ATP9A: variants seen among roughly 807,000 people sequenced by gnomAD.
ATP9A encodes the protein probable phospholipid-transporting ATPase IIA.
Under a neutral mutation model 144.1 loss-of-function variants are expected in ATP9A, and 52 were observed. The ratio of observed to expected loss-of-function variants is 0.36; its 90% CI spans 0.29 to 0.45. The LOEUF is 0.45. Among genes scored for constraint, ATP9A ranks in the 20% least tolerant of loss-of-function variants. The probability of loss-of-function intolerance (pLI) is 1.00; values close to 1 mark genes in which losing one functional copy is unlikely to be tolerated. For synonymous variants in ATP9A, 582 were observed against 557.4 expected (o/e 1.04, Z -0.62); for missense variants, 947 against 1,392.7 (o/e 0.68, Z 5.09).
intron 4 of ATP9A, among the ~76,000 whole-genome samples, chr20:51,706,837 C>T (rs2077616584): frequency 6.6e-6 from 1 of 152,202 alleles, no homozygotes; most frequent in African/African-American, 2.4e-5. Flanking sequence ...CATTTTTTCT[C>T]CTGCTTCCTA....
chr20:51,699,932 C>T (rs541256055), intron 4 of ATP9A, among the ~76,000 whole-genome samples: 250 of 152,090 alleles, frequency 1.6e-3, no homozygotes, highest in Non-Finnish European at 2.4e-3. Flanking sequence ...TGAGCCACTG[C>T]GCCCGGCCAA....
chr20:51,767,205 G>A (rs899950802), intron 1 of ATP9A, among the ~76,000 whole-genome samples: 1 of 151,942 alleles, frequency 6.6e-6, no homozygotes, highest in African/African-American at 2.4e-5. Context: ...GCCCAGAGAG[G>A]ACCAGACGCC....
Position 51,625,280 on chromosome 20 carries a change from ATCTCCATCTCCAGGC to A in ATP9A, c.1913_1927del (p.Ser638_Glu642del). The A allele has an allele frequency of 6.2e-7, 1 of 1,614,188 alleles. No individual in the cohort carries two copies. The highest frequency in any genetic ancestry group is 8.5e-7 in the Non-Finnish European group (1 of 1,180,020). On this transcript the variant is annotated inframe_deletion, in exon 18 of 28. Coordinates refer to ENST00000338821, the MANE Select transcript of ATP9A (RefSeq NM_006045.3). ...CACGCCCGTCAGGCACAGCAGTTCC[ATCTCCATCTCCAGGC>A]TCTCGATCACCGTGGCCACTTTGAG...
chr20:51,727,161 G>A (rs565175494), intron 2 of ATP9A, among the ~76,000 whole-genome samples: 1 of 151,578 alleles, frequency 6.6e-6, no homozygotes, highest in African/African-American at 2.4e-5. Context: ...GCACCTATAG[G>A]CTACTCAGGA....
At chr20:51,615,026 C>CG (rs1316986494) in intron 22 of ATP9A, among the ~76,000 whole-genome samples, 1 of 124,454 alleles carries the variant, frequency 8.0e-6, no homozygotes. Context: ...AATGTTAACA[C>CG]GGGGTTGAGC....
chr20:51,752,895 G>A (rs1193501613), intron 1 of ATP9A, among the ~76,000 whole-genome samples: 3 of 152,134 alleles, frequency 2.0e-5, no homozygotes, highest in Non-Finnish European at 2.9e-5. Flanking sequence ...CTGAGGCTGG[G>A]AGTTCGAGGC....
chr20:51,730,700 G>A (rs1382224787), intron 1 of ATP9A, among the ~76,000 whole-genome samples: 6 of 152,184 alleles, frequency 3.9e-5, no homozygotes, highest in Non-Finnish European at 7.3e-5. Flanking sequence ...GCATGAGACT[G>A]TACTGAATAA....
chr20:51,746,096 T>C (rs1005983445), intron 1 of ATP9A, among the ~76,000 whole-genome samples: 1 of 152,298 alleles, frequency 6.6e-6, no homozygotes, highest in Non-Finnish European at 1.5e-5. Context: ...AAATACCACG[T>C]GTTCTCACTT....
At position 51,750,102 on chromosome 20, in the gene ATP9A, C is replaced by A. The variant is rs562533930; in HGVS notation, c.68+18200G>T. Among the ~76,000 whole-genome samples the A allele has an allele frequency of 6.6e-5, 10 of 152,204 alleles. No individual in the cohort carries two copies. In the South Asian group the frequency reaches 1.5e-3, roughly 22 times the overall value. Reference sequence around the variant, plus strand: ...CCCGGGAGGCGGAGGTTGCGGTGAGCCGAGATCGCACCACTTGCACTCCAG... The same window carrying A: ...CCCGGGAGGCGGAGGTTGCGGTGAGACGAGATCGCACCACTTGCACTCCAG... On this transcript the variant is annotated intron_variant, in intron 1 of 27. Coordinates refer to ENST00000338821, the MANE Select transcript of ATP9A (RefSeq NM_006045.3).
chr20:51,725,811 T>C lies in ATP9A; in HGVS notation c.327+8A>G, dbSNP rs781422954. The C allele has an allele frequency of 6.4e-7, 1 of 1,553,668 alleles. No homozygotes were observed. ...AGGTTACTGAACAAACAATGCCGAT[T>C]AACTTACCAGGGGAACCCAGTAGGT... is the stretch of plus-strand genomic sequence containing the variant. On this transcript the variant is annotated splice_region_variant and intron_variant, in intron 3 of 27. Coordinates refer to ENST00000338821, the MANE Select transcript of ATP9A (RefSeq NM_006045.3).
intron 1 of ATP9A, among the ~76,000 whole-genome samples, chr20:51,744,451 C>T (rs1320610069): frequency 2.0e-5 from 3 of 152,138 alleles, no homozygotes; most frequent in Non-Finnish European, 2.9e-5. Context: ...CATGAGCCAC[C>T]GCGCCCAGCC....
intron 8 of ATP9A, among the ~76,000 whole-genome samples, chr20:51,689,939 C>T (rs2077539601): frequency 6.7e-6 from 1 of 150,084 alleles, no homozygotes; most frequent in Middle Eastern, 3.5e-3. Context: ...GGTGAAACCC[C>T]GTCTCTACTA....
At chr20:51,756,179 G>C (rs542975234) in intron 1 of ATP9A, among the ~76,000 whole-genome samples, 5 of 152,032 alleles carry the variant, frequency 3.3e-5, no homozygotes, top group African/African-American at 1.2e-4. Flanking sequence ...AGAACAAGGT[G>C]TCAGCAGGGT....
chr20:51,668,089 G>T (rs1453587083), intron 13 of ATP9A, among the ~76,000 whole-genome samples: 1 of 5,634 alleles, frequency 1.8e-4, no homozygotes, highest in African/African-American at 5.9e-4. Context: ...AGGGAGGTGG[G>T]GGGGGGGGGG....
At chr20:51,738,602 G>A (rs2077772258) in intron 1 of ATP9A, among the ~76,000 whole-genome samples, 1 of 152,108 alleles carries the variant, frequency 6.6e-6, no homozygotes, top group South Asian at 2.1e-4. Flanking sequence ...CCAGGTACTC[G>A]GGAGGATTGA....
chr20:51,626,396 G>A (rs2077248629), intron 17 of ATP9A, among the ~76,000 whole-genome samples: 1 of 152,072 alleles, frequency 6.6e-6, no homozygotes, highest in Non-Finnish European at 1.5e-5. Context: ...GCTTGAGGGA[G>A]GAGAATCGCT....
chr20:51,721,913 G>A (rs975017734), intron 3 of ATP9A, among the ~76,000 whole-genome samples: 1 of 152,016 alleles, frequency 6.6e-6, no homozygotes, highest in Admixed American at 6.6e-5. Context: ...CAAATCTGGA[G>A]GTATCACACT....
At chr20:51,625,912 C>T (rs6063679) in intron 17 of ATP9A, among the ~76,000 whole-genome samples, 46,972 of 152,168 alleles carry the variant, frequency 0.31, 7,430 homozygotes, top group Non-Finnish European at 0.34. Flanking sequence ...AGGCAGGTAG[C>T]ATTGATCGGG....
intron 13 of ATP9A, 128 bp downstream of exon 13, chr20:51,669,869 T>C (rs1354217600): frequency 4.3e-6 from 3 of 704,442 alleles, no homozygotes; most frequent in African/African-American, 1.8e-5. Flanking sequence ...TGAATATGCT[T>C]AAAAAAAAAC....
Sources: allele counts gnomAD v4.1 joint callset (sites outside exome capture counted in the v4.1 genomes callset), GRCh38; gene constraint gnomAD v4.1.1; transcripts MANE v1.5; gene names NCBI Gene and HGNC (gene_info 2026-07-23, HGNC 2026-07-21).